Variants in CDK12 observed in about 807,000 individuals in gnomAD.
The protein encoded by CDK12 is cyclin-dependent kinase 12.
CDK12 carries 17 observed loss-of-function variants against 133.8 expected under a neutral mutation model. That is an observed-to-expected ratio of 0.13 (90% CI 0.09 to 0.19). The LOEUF (loss-of-function observed/expected upper bound fraction) is 0.19, where lower values mean the gene tolerates loss of function less well. CDK12 is among the 10% of genes least tolerant of loss of function. The pLI, the probability that CDK12 is intolerant of heterozygous loss-of-function variation, is 1.00. For missense variants in CDK12, 1,508 were observed against 1,818.7 expected (o/e 0.83, Z 3.11); for synonymous variants, 694 against 683.6 (o/e 1.02, Z -0.24).
rs533763728 is a variant in CDK12 at position 39,481,202 on chromosome 17, G to A, written c.1932-9355G>A. Reference sequence around the variant, plus strand: ...CGGGGGGCGGAGGTTGCGGTGAGCCGAGATCACGCCATTGCACTCCAGCCT... The same window carrying A: ...CGGGGGGCGGAGGTTGCGGTGAGCCAAGATCACGCCATTGCACTCCAGCCT... On this transcript the variant is annotated intron_variant, in intron 2 of 13. Transcript: ENST00000447079. 2.0e-5 allele frequency among the ~76,000 whole-genome samples: 3 copies of A among 148,920 alleles called. No individual in the cohort carries two copies. The East Asian group carries it at 5.9e-4, about 29-fold the overall frequency.
intron 2 of CDK12, among the ~76,000 whole-genome samples, chr17:39,481,893 T>C (rs1567707134): frequency 6.6e-6 from 1 of 151,728 alleles, no homozygotes; most frequent in Non-Finnish European, 1.5e-5. Flanking sequence ...GCTAATTTTT[T>C]GTATCCTTAG....
downstream of CDK12, among the ~76,000 whole-genome samples, chr17:39,537,297 C>T (rs950142885): frequency 1.3e-5 from 2 of 152,096 alleles, no homozygotes; most frequent in Admixed American, 6.5e-5. Flanking sequence ...ATTTTGAATG[C>T]ATTTGGACCT....
chr17:39,481,664 C>CTTTTCTTTTT (rs2050694023), intron 2 of CDK12, among the ~76,000 whole-genome samples: 2 of 12,728 alleles, frequency 1.6e-4, no homozygotes, highest in African/African-American at 3.1e-4. Context: ...CTCTCTCTCT[C>CTTTTCTTTTT]TCTCTCTCTC....
intron 1 of CDK12, among the ~76,000 whole-genome samples, chr17:39,464,521 C>T (rs771539742): frequency 1.3e-5 from 2 of 151,548 alleles, no homozygotes; most frequent in Non-Finnish European, 2.9e-5. Context: ...TGAGCCACCA[C>T]GCCTGGCTCA....
intron 2 of CDK12, 40 bp downstream of exon 2, chr17:39,471,803 A>T: frequency 1.3e-6 from 2 of 1,509,650 alleles, no homozygotes; most frequent in Non-Finnish European, 1.8e-6. Context: ...CCCTTGATCT[A>T]AACATAAAGC....
intron 1 of CDK12, among the ~76,000 whole-genome samples, chr17:39,468,865 T>C (rs1474610653): frequency 1.3e-5 from 2 of 151,870 alleles, no homozygotes; most frequent in East Asian, 3.9e-4. Flanking sequence ...CAGCCTGGAG[T>C]GCAGTGGCGC....
chr17:39,476,452 C>T (rs941188845), intron 2 of CDK12, among the ~76,000 whole-genome samples: 3 of 151,742 alleles, frequency 2.0e-5, no homozygotes, highest in African/African-American at 7.3e-5. Context: ...GGAATTTTTG[C>T]CCTTGTTGTC....
intron 1 of CDK12, among the ~76,000 whole-genome samples, chr17:39,540,389 G>T (rs550410552): frequency 1.3e-5 from 2 of 152,296 alleles, no homozygotes; most frequent in African/African-American, 4.8e-5. Context: ...GCCCCTGGAG[G>T]ATAGTGGAGC....
At chr17:39,529,438 A>T (rs189044268) in intron 13 of CDK12, among the ~76,000 whole-genome samples, 75 of 152,330 alleles carry the variant, frequency 4.9e-4, no homozygotes, top group Admixed American at 2.3e-3. Context: ...ATAATTGAAG[A>T]ATGACTATAT....
intron 8 of CDK12, among the ~76,000 whole-genome samples, chr17:39,515,491 T>C (rs1379073142): frequency 6.6e-6 from 1 of 152,202 alleles, no homozygotes; most frequent in African/African-American, 2.4e-5. Flanking sequence ...TTGACTCCCT[T>C]TCTCTGATCA....
upstream of CDK12, chr17:39,545,984 A>T (rs1271659855): frequency 6.7e-6 from 1 of 149,968 alleles, no homozygotes; most frequent in Non-Finnish European, 1.5e-5. Context: ...TTTAGTAGAG[A>T]TGGGGTTTCA....
At chr17:39,477,647 A>G (rs941176621) in intron 2 of CDK12, among the ~76,000 whole-genome samples, 2 of 148,094 alleles carry the variant, frequency 1.4e-5, no homozygotes, top group African/African-American at 2.6e-5. Flanking sequence ...ATCTTGGCTC[A>G]CTGCAAGCTC....
At position 39,491,789 on chromosome 17, in the gene CDK12, A is replaced by G. The variant is rs541204907; in HGVS notation, c.2109-962A>G. 3.5e-5 allele frequency among the ~76,000 whole-genome samples: 5 copies of G among 141,900 alleles called. No homozygotes were observed. The South Asian group carries it at 8.8e-4, about 25-fold the overall frequency. 93.1% of individuals were successfully genotyped at this position (141,900 alleles called of 152,430 possible). On this transcript the variant is annotated intron_variant, in intron 3 of 13. Transcript: ENST00000447079. ...ACCATGCCTGGCTGTGTGTTTATAT[A>G]TTTCATATCATTTCATTTCTGACTT...
At chr17:39,526,346 G>GC in intron 13 of CDK12, 30 bp downstream of exon 13, 3 of 1,506,354 alleles carry the variant, frequency 2.0e-6, no homozygotes, top group Non-Finnish European at 2.7e-6. Flanking sequence ...ATCTCATTGA[G>GC]CTCAGGTGCT....
chr17:39,542,661 C>T (rs4795381), intron 1 of CDK12, among the ~76,000 whole-genome samples: 95,388 of 151,336 alleles, frequency 0.63, 32,764 homozygotes, highest in South Asian at 0.89. Flanking sequence ...CAGGCATGTG[C>T]CACCATGCCC....
chr17:39,516,144 A>G (rs556795445), intron 9 of CDK12, among the ~76,000 whole-genome samples: 1 of 152,326 alleles, frequency 6.6e-6, no homozygotes, highest in African/African-American at 2.4e-5. Flanking sequence ...GATTACTTTT[A>G]ACATTAAACT....
chr17:39,555,312 C>T (rs9972899), intron 2 of CDK12, among the ~76,000 whole-genome samples: 7,652 of 152,054 alleles, frequency 0.05, 405 homozygotes, highest in African/African-American at 0.13. Flanking sequence ...GAAGGATGGA[C>T]TAAGAGGAGG....
chr17:39,528,021 T>G (rs919262475), intron 13 of CDK12, among the ~76,000 whole-genome samples: 5 of 151,920 alleles, frequency 3.3e-5, no homozygotes, highest in Admixed American at 6.6e-5. Context: ...GTTCAAGCAA[T>G]TCTCCTGCCT....
At chr17:39,481,501 A>C (rs2145548161) in intron 2 of CDK12, among the ~76,000 whole-genome samples, 1 of 151,368 alleles carries the variant, frequency 6.6e-6, no homozygotes, top group Non-Finnish European at 1.5e-5. Context: ...GTAGAGACCA[A>C]GTTTTGCCAT....
Sources: allele counts gnomAD v4.1 joint callset (sites outside exome capture counted in the v4.1 genomes callset), GRCh38; gene constraint gnomAD v4.1.1; transcripts MANE v1.5; gene names NCBI Gene and HGNC (gene_info 2026-07-23, HGNC 2026-07-21).